The following FAM13A variants were observed in gnomAD, a reference collection of about 807,000 sequenced individuals.
The protein encoded by FAM13A is family with sequence similarity 13 member A.
A neutral mutation model predicts 129.6 loss-of-function variants in FAM13A; 76 were observed. The ratio of observed to expected loss-of-function variants is 0.59; its 90% CI spans 0.49 to 0.71. The LOEUF is 0.71. Among genes scored for constraint, FAM13A ranks in the 30% least tolerant of loss-of-function variants. The pLI is 0.00. For missense variants in FAM13A, 1,108 were observed against 1,249.3 expected (o/e 0.89, Z 1.70); for synonymous variants, 443 against 449.9 (o/e 0.98, Z 0.20).
chr4:88,824,705 A>ATTTAT (rs71594865), intron 7 of FAM13A, among the ~76,000 whole-genome samples: 1 of 150,906 alleles, frequency 6.6e-6, no homozygotes, highest in Non-Finnish European at 1.5e-5. Context: ...TTAACACTTT[A>ATTTAT]TTATTTATTT....
chr4:88,820,940 C>T (rs1157256548), intron 7 of FAM13A, among the ~76,000 whole-genome samples: 1 of 152,134 alleles, frequency 6.6e-6, no homozygotes, highest in Non-Finnish European at 1.5e-5. Context: ...TAGTTTCTAT[C>T]CCTTGGTGCT....
rs56710705 is a variant in FAM13A, at chr4:89,025,245, G to GTTTTTTTTT, written c.217+4206_217+4214dup. 8.4e-3 allele frequency among the ~76,000 whole-genome samples: 515 copies of GTTTTTTTTT among 61,362 alleles called. 108 individuals are homozygous for GTTTTTTTTT. Among genetic ancestry groups the GTTTTTTTTT allele is most frequent in the Non-Finnish European group, 0.013 (400 of 30,804 alleles). The allele number at this position is 61,362 out of a possible 152,430, so 40.3% of individuals were successfully genotyped here. ...GCTAAAGGTTAACCATGGAATCATT[G>GTTTTTTTTT]TTTTTTTTTTTTTTTTTTTTTTTTT... is the stretch of plus-strand genomic sequence containing the variant. On this transcript the variant is annotated intron_variant, in intron 2 of 23. Coordinates refer to ENST00000264344, the MANE Select transcript of FAM13A (RefSeq NM_014883.4).
intron 6 of FAM13A, among the ~76,000 whole-genome samples, chr4:88,876,924 AT>A (rs772279820): frequency 1.5e-4 from 23 of 152,212 alleles, no homozygotes; most frequent in Non-Finnish European, 3.4e-4. Flanking sequence ...CACTGCCAAT[AT>A]TTTTAAAATA....
intron 7 of FAM13A, among the ~76,000 whole-genome samples, chr4:88,806,006 T>C (rs1728482703): frequency 6.6e-6 from 1 of 152,176 alleles, no homozygotes; most frequent in South Asian, 2.1e-4. Flanking sequence ...ATATGCTATA[T>C]TTTCTTTTCC....
At chr4:89,027,211 T>C (rs1025010123) in intron 2 of FAM13A, among the ~76,000 whole-genome samples, 1 of 152,234 alleles carries the variant, frequency 6.6e-6, no homozygotes, top group Middle Eastern at 3.4e-3. Flanking sequence ...CAATAACTAA[T>C]AATAAAACAG....
intron 1 of FAM13A, among the ~76,000 whole-genome samples, chr4:89,044,273 A>AATC (rs1770550242): frequency 6.6e-6 from 1 of 152,238 alleles, no homozygotes; most frequent in African/African-American, 2.4e-5. Flanking sequence ...GGACGTGTAT[A>AATC]ATCATTTTTC....
At chr4:88,881,091 T>C (rs975173832) in intron 6 of FAM13A, among the ~76,000 whole-genome samples, 12 of 152,200 alleles carry the variant, frequency 7.9e-5, no homozygotes, top group Admixed American at 3.3e-4. Context: ...TCTATGGCGC[T>C]GCCCACCGCC....
chr4:88,890,636 C>G (rs1271402959), intron 6 of FAM13A, among the ~76,000 whole-genome samples: 1 of 151,912 alleles, frequency 6.6e-6, no homozygotes. Flanking sequence ...ACAATAGATG[C>G]AGAAAAGAAA....
At chr4:88,972,560 C>G (rs1760267130) in intron 4 of FAM13A, among the ~76,000 whole-genome samples, 1 of 152,032 alleles carries the variant, frequency 6.6e-6, no homozygotes, top group Non-Finnish European at 1.5e-5. Context: ...TTTGGCCTCC[C>G]AAAGTGCTAG....
intron 3 of FAM13A, among the ~76,000 whole-genome samples, chr4:89,005,670 T>G (rs1462316839): frequency 2.6e-5 from 4 of 152,234 alleles, no homozygotes; most frequent in Non-Finnish European, 5.9e-5. Flanking sequence ...TGATCAGTGA[T>G]GTTGAGCTTT....
intron 4 of FAM13A, among the ~76,000 whole-genome samples, chr4:88,954,497 G>A (rs1330773474): frequency 6.6e-6 from 1 of 152,134 alleles, no homozygotes; most frequent in Non-Finnish European, 1.5e-5. Flanking sequence ...TACAAATAAG[G>A]TCAAGGGAGG....
At chr4:88,882,138 G>C (rs1002840161) in intron 6 of FAM13A, among the ~76,000 whole-genome samples, 5 of 151,978 alleles carry the variant, frequency 3.3e-5, no homozygotes, top group African/African-American at 1.2e-4. Flanking sequence ...AGAACATCTG[G>C]GAAATTTATC....
chr4:89,033,272 T>C (rs1768941725), intron 1 of FAM13A, among the ~76,000 whole-genome samples: 1 of 152,200 alleles, frequency 6.6e-6, no homozygotes, highest in Middle Eastern at 3.2e-3. Context: ...TTATGGAGTC[T>C]TTAGTGTCTA....
At chr4:89,019,435 T>C (rs1304761629) in intron 3 of FAM13A, among the ~76,000 whole-genome samples, 1 of 152,100 alleles carries the variant, frequency 6.6e-6, no homozygotes, top group Non-Finnish European at 1.5e-5. Flanking sequence ...GAGAACTCAA[T>C]AATGACTATG....
At chr4:88,829,930 T>G (rs1236729293) in intron 7 of FAM13A, among the ~76,000 whole-genome samples, 1 of 152,226 alleles carries the variant, frequency 6.6e-6, no homozygotes, top group Non-Finnish European at 1.5e-5. Flanking sequence ...GATAATAAAG[T>G]ATTATCCTTA....
At chr4:88,937,916 T>C (rs1412025056) in intron 5 of FAM13A, 172 bp downstream of exon 5, 2 of 578,156 alleles carry the variant, frequency 3.5e-6, no homozygotes, top group East Asian at 2.9e-5. Context: ...TAGAAGGCTA[T>C]ATTTCAATTT....
At chr4:88,847,777 A>T (rs1736901102) in intron 7 of FAM13A, among the ~76,000 whole-genome samples, 1 of 152,170 alleles carries the variant, frequency 6.6e-6, no homozygotes, top group Non-Finnish European at 1.5e-5. Context: ...TACTAAAAAA[A>T]TACAAAAAAA....
chr4:88,946,087 C>A (rs1253667419), intron 4 of FAM13A, among the ~76,000 whole-genome samples: 2 of 145,790 alleles, frequency 1.4e-5, no homozygotes, highest in African/African-American at 2.5e-5. Flanking sequence ...CAAGCCCCAG[C>A]CCATAGTACA....
At chr4:88,742,620 C>T (rs890476757) in intron 19 of FAM13A, among the ~76,000 whole-genome samples, 1 of 152,178 alleles carries the variant, frequency 6.6e-6, no homozygotes, top group Non-Finnish European at 1.5e-5. Flanking sequence ...TTTTACCCAT[C>T]ATAATAATGA....
Sources: gnomAD v4.1 joint callset for allele counts (sites outside exome capture counted in the v4.1 genomes callset) on GRCh38, gnomAD v4.1.1 for gene constraint, MANE v1.5 for transcripts, NCBI Gene and HGNC (gene_info 2026-07-23, HGNC 2026-07-21) for gene names.